ADGRD1: variants seen among roughly 807,000 people sequenced by gnomAD.
The protein encoded by ADGRD1 is G-protein coupled receptor 133.
In ADGRD1, 77 loss-of-function variants were observed where a neutral mutation model predicts 113.4. That is an observed-to-expected ratio of 0.68 (90% confidence interval 0.57 to 0.82). ADGRD1 has a LOEUF of 0.82. Ranked by LOEUF, ADGRD1 falls within the 40% of genes least tolerant of loss-of-function variation. The probability of loss-of-function intolerance (pLI) is 0.00; values close to 1 mark genes in which losing one functional copy is unlikely to be tolerated. For synonymous variants in ADGRD1, 474 were observed against 475.0 expected, an observed-to-expected ratio of 1.00 and a Z score of 0.03; for missense variants, 1,036 against 1,139.1, an observed-to-expected ratio of 0.91 and a Z score of 1.30.
In ADGRD1 at chr12:131,084,225, A is replaced by C. The variant is rs1173611273; in HGVS notation, c.1548-315A>C. 6.6e-6 allele frequency among the ~76,000 whole-genome samples: 1 copy of C among 151,926 alleles called. No individual in the cohort carries two copies. The highest frequency in any genetic ancestry group is 1.5e-5 in the Non-Finnish European group (1 of 67,972). The stretch of plus-strand genomic sequence containing the variant: ...CAGGGCTGTGGGCCATGTGCGTTTC[A>C]TTTTGTGCTGGGCTTGGTCCAGGTG... On this transcript the variant is annotated intron_variant, in intron 14 of 24. Coordinates refer to ENST00000261654, the MANE Select transcript of ADGRD1 (RefSeq NM_198827.5). This position sits in a 1 kb window ranked among gnomAD's most constrained non-coding sequence, Gnocchi z 4.5.
chr12:131,064,909 G>A (rs1884597013), intron 13 of ADGRD1, among the ~76,000 whole-genome samples: 1 of 152,208 alleles, frequency 6.6e-6, no homozygotes, highest in Non-Finnish European at 1.5e-5. Context: ...ATGCATAGAT[G>A]TGTAAATTAA....
chr12:131,001,054 G>A (rs1388760402), intron 9 of ADGRD1, among the ~76,000 whole-genome samples: 1 of 152,074 alleles, frequency 6.6e-6, no homozygotes, highest in East Asian at 1.9e-4. Context: ...TGTGTACTTG[G>A]TTCATCCTGG....
At chr12:131,092,880 TTC>T (rs1417274493) in intron 15 of ADGRD1, among the ~76,000 whole-genome samples, 4 of 142,062 alleles carry the variant, frequency 2.8e-5, no homozygotes, top group African/African-American at 1.1e-4. Context: ...AATTTGGGAT[TTC>T]TTTTTTTTTT....
chr12:131,115,220 T>C (rs757721722), intron 18 of ADGRD1, among the ~76,000 whole-genome samples: 1 of 152,114 alleles, frequency 6.6e-6, no homozygotes, highest in Non-Finnish European at 1.5e-5. Flanking sequence ...TGGTGGACAG[T>C]GAAGAGCCCA....
intron 18 of ADGRD1, among the ~76,000 whole-genome samples, chr12:131,117,537 A>C (rs558552891): frequency 6.6e-5 from 10 of 152,216 alleles, no homozygotes; most frequent in Admixed American, 5.2e-4. Context: ...TAGAAAAGAG[A>C]GTTTCTTCTC....
chr12:130,994,405 T>C (rs1874926562), intron 8 of ADGRD1: 1 of 276,286 alleles, frequency 3.6e-6, no homozygotes, highest in Non-Finnish European at 7.9e-6. Flanking sequence ...TGCCTGTAGC[T>C]AAGGTATGCA....
At chr12:131,015,322 G>T (rs1355559582) in intron 13 of ADGRD1, among the ~76,000 whole-genome samples, 1 of 152,168 alleles carries the variant, frequency 6.6e-6, no homozygotes, top group Non-Finnish European at 1.5e-5. Context: ...ATGGAGAGGG[G>T]ACTGGAGATG....
At chr12:131,001,820 C>T (rs1336047362) in intron 9 of ADGRD1, among the ~76,000 whole-genome samples, 1 of 152,186 alleles carries the variant, frequency 6.6e-6, no homozygotes, top group Non-Finnish European at 1.5e-5. Flanking sequence ...CCCAACCACA[C>T]CACCATGATA....
chr12:131,126,101 T>C (rs1950732416), intron 20 of ADGRD1, among the ~76,000 whole-genome samples: 1 of 152,234 alleles, frequency 6.6e-6, no homozygotes, highest in African/African-American at 2.4e-5. Flanking sequence ...GTGGTTTGAA[T>C]GTTTCCCTCA....
intron 13 of ADGRD1, among the ~76,000 whole-genome samples, chr12:131,030,983 G>A (rs1809236984): frequency 1.3e-5 from 2 of 152,114 alleles, no homozygotes; most frequent in South Asian, 4.2e-4. Flanking sequence ...AGGAGCACTC[G>A]CCCACAGCCA....
chr12:131,051,775 C>T (rs552536737), intron 13 of ADGRD1, among the ~76,000 whole-genome samples: 10 of 152,324 alleles, frequency 6.6e-5, no homozygotes, highest in South Asian at 2.1e-4. Flanking sequence ...TGTGAGCTAC[C>T]GCGCCCAGGC....
chr12:130,984,823 T>TC lies in ADGRD1; in HGVS notation c.491-2270dup, dbSNP rs1566000952. On this transcript the variant is annotated intron_variant, in intron 5 of 24. Transcript: ENST00000261654. This position sits in a 1 kb window ranked among gnomAD's most constrained non-coding sequence, Gnocchi z 4.1. ...TCCCTCCCTCCCTTCCTCCCTCCCT[T>TC]CCTTCCTTCCTTCTTGCCTTCCATC... 1.4e-5 allele frequency among the ~76,000 whole-genome samples: 2 copies of TC among 147,024 alleles called. No individual in the cohort carries two copies. The highest frequency in any genetic ancestry group is 2.6e-5 in the African/African-American group (1 of 38,776).
intron 13 of ADGRD1, chr12:131,070,732 A>G (rs1486477806): frequency 2.1e-6 from 1 of 485,574 alleles, no homozygotes; most frequent in Non-Finnish European, 4.2e-6. Flanking sequence ...CACCCACAGC[A>G]CTATCCTGGG....
At chr12:131,068,896 T>C (rs1467868438) in intron 13 of ADGRD1, among the ~76,000 whole-genome samples, 2 of 152,258 alleles carry the variant, frequency 1.3e-5, no homozygotes, top group Non-Finnish European at 2.9e-5. Flanking sequence ...TTTATAGGTA[T>C]TGCTTTTCTG....
intron 15 of ADGRD1, among the ~76,000 whole-genome samples, chr12:131,087,688 C>T (rs563681254): frequency 1.0e-3 from 152 of 151,118 alleles, no homozygotes; most frequent in African/African-American, 3.5e-3. Context: ...TCCCCTAGAG[C>T]AGCTGCCCCG....
intron 8 of ADGRD1, 74 bp from the exon 9 acceptor site, chr12:131,000,309 C>G (rs1876195642): frequency 8.9e-7 from 1 of 1,120,614 alleles, no homozygotes. Context: ...TTGGAAGATG[C>G]GGGGAAAACT....
intron 15 of ADGRD1, among the ~76,000 whole-genome samples, chr12:131,087,317 G>C (rs765153983): frequency 8.5e-5 from 13 of 152,148 alleles, no homozygotes; most frequent in Non-Finnish European, 1.9e-4. Context: ...CGGGTCCCTC[G>C]TGCACAGACA....
At chr12:131,000,754 A>C (rs1035413234) in intron 9 of ADGRD1, among the ~76,000 whole-genome samples, 2 of 151,486 alleles carry the variant, frequency 1.3e-5, no homozygotes, top group Non-Finnish European at 2.9e-5. Context: ...AAACAAAAAA[A>C]AAAAAAAAAA....
chr12:131,062,218 C>T (rs944897967), intron 13 of ADGRD1, among the ~76,000 whole-genome samples: 9 of 152,172 alleles, frequency 5.9e-5, no homozygotes, highest in Non-Finnish European at 1.3e-4. Context: ...TGGTCTTGAA[C>T]TCCTGACCTT....
Sources: allele counts gnomAD v4.1 joint callset (sites outside exome capture counted in the v4.1 genomes callset), GRCh38; gene constraint gnomAD v4.1.1; non-coding constraint Gnocchi (gnomAD v3.1); transcripts MANE v1.5; gene names NCBI Gene and HGNC (gene_info 2026-07-23, HGNC 2026-07-21).